DPYS: variants seen among roughly 807,000 people sequenced by gnomAD.
DPYS encodes dihydropyrimidine amidohydrolase.
Under a neutral mutation model 50.3 loss-of-function variants are expected in DPYS, and 39 were observed. The observed-to-expected ratio is 0.78, with a 90% confidence interval of 0.60 to 1.01. DPYS has a LOEUF of 1.01. DPYS is among the 50% of genes least tolerant of loss of function. DPYS has a pLI of 0.00. For synonymous variants in DPYS, 245 were observed against 250.7 expected, an observed-to-expected ratio of 0.98 and a Z score of 0.22; for missense variants, 659 against 680.9, an observed-to-expected ratio of 0.97 and a Z score of 0.36.
In DPYS at chr8:104,382,561, T is replaced by A. The variant is rs114210365; in HGVS notation, c.1444-1247A>T. ...CTGTTTTTTTTTTTTTTTTTTCTTC[T>A]CCTGACTTGACTTTCCAAGCCAGAC... On this transcript the variant is annotated intron_variant, in intron 8 of 9. Coordinates refer to ENST00000351513, the MANE Select transcript of DPYS (RefSeq NM_001385.3). Among the ~76,000 whole-genome samples the A allele has an allele frequency of 9.7e-3, 1,427 of 146,982 alleles. 40 individuals carry two copies. The highest frequency in any genetic ancestry group is 0.035 in the African/African-American group (1,353 of 39,190).
chr8:104,387,047 C>T (rs1054322412), intron 8 of DPYS, among the ~76,000 whole-genome samples: 4 of 152,142 alleles, frequency 2.6e-5, no homozygotes, highest in African/African-American at 9.7e-5. Context: ...ACAGAACTTC[C>T]AAATACCAAA....
intron 1 of DPYS, among the ~76,000 whole-genome samples, chr8:104,464,460 CT>C (rs1814280221): frequency 6.6e-6 from 1 of 152,338 alleles, no homozygotes; most frequent in African/African-American, 2.4e-5. Context: ...ATGAAAGCTA[CT>C]GCTCAGCTGT....
At chr8:104,454,088 G>T (rs143551652) in intron 1 of DPYS, among the ~76,000 whole-genome samples, 8 of 152,074 alleles carry the variant, frequency 5.3e-5, no homozygotes, top group African/African-American at 1.9e-4. Flanking sequence ...TCTTTTGGGG[G>T]TATCAAAAGT....
intron 1 of DPYS, among the ~76,000 whole-genome samples, chr8:104,459,407 CG>C (rs1272487886): frequency 1.3e-5 from 2 of 152,128 alleles, no homozygotes; most frequent in Admixed American, 6.5e-5. Flanking sequence ...GTCTGTTTAC[CG>C]CTGAGAACAA....
intron 8 of DPYS, among the ~76,000 whole-genome samples, 189 bp downstream of exon 8, chr8:104,392,595 C>T (rs752646503): frequency 7.2e-5 from 11 of 152,166 alleles, no homozygotes; most frequent in Non-Finnish European, 1.5e-4. Flanking sequence ...AGGGGAAATG[C>T]GTGCATCCAA....
chr8:104,396,824 C>CAAA (rs1811605617), intron 7 of DPYS, among the ~76,000 whole-genome samples: 1 of 64,260 alleles, frequency 1.6e-5, no homozygotes. Context: ...TTGCCTCATA[C>CAAA]CAAAAAAAAA....
At chr8:104,389,543 T>A (rs1056883373) in intron 8 of DPYS, among the ~76,000 whole-genome samples, 3 of 148,984 alleles carry the variant, frequency 2.0e-5, no homozygotes, top group South Asian at 2.1e-4. Flanking sequence ...CCTTTTATTT[T>A]TTTTTTTTTG....
At chr8:104,449,964 C>G (rs1813674893) in intron 2 of DPYS, among the ~76,000 whole-genome samples, 1 of 152,094 alleles carries the variant, frequency 6.6e-6, no homozygotes, top group African/African-American at 2.4e-5. Context: ...AAACGAATAA[C>G]CCCCCTGAAC....
intron 8 of DPYS, 46 bp from the exon 9 acceptor site, chr8:104,381,360 G>A (rs1339261579): frequency 6.4e-7 from 1 of 1,566,918 alleles, no homozygotes; most frequent in Non-Finnish European, 8.8e-7. Flanking sequence ...ATTTTCTTGA[G>A]TTCAAAGTTA....
At chr8:104,460,677 CT>C (rs1189211088) in intron 1 of DPYS, among the ~76,000 whole-genome samples, 1 of 152,176 alleles carries the variant, frequency 6.6e-6, no homozygotes, top group Non-Finnish European at 1.5e-5. Flanking sequence ...GTCTTGGAAT[CT>C]AAGTCAGTGA....
chr8:104,379,709 A>G lies in DPYS; in HGVS notation c.*149T>C. 1 of 430,844 alleles carries G rather than the reference A, an allele frequency of 2.3e-6. No homozygotes were observed. The highest frequency in any genetic ancestry group is 4.6e-6 in the Non-Finnish European group (1 of 217,048). The allele number at this position is 430,844 out of a possible 1,614,324, so 26.7% of individuals were successfully genotyped here. A position where few individuals can be genotyped will look rare whatever the true frequency, so the allele number is the denominator to read the frequency against. On this transcript the variant is annotated 3_prime_UTR_variant, in exon 10 of 10. Coordinates refer to ENST00000351513, the MANE Select transcript of DPYS (RefSeq NM_001385.3). ...GAGAAAGACAGCAATTGCTTCTGAA[A>G]GAAAATCAAAGAAGCCTATAGTGGT...
intron 7 of DPYS, among the ~76,000 whole-genome samples, chr8:104,403,417 TTGCCACCATCTTGGAAGCAGCC>T (rs540631578): frequency 0.17 from 26,271 of 151,484 alleles, 2,727 homozygotes; most frequent in East Asian, 0.36. Flanking sequence ...AACACGAGGC[TTGCCACCATCTTGGAAGCAGCC>T]TGCCACCATC....
chr8:104,411,514 G>C (rs1342025928), intron 7 of DPYS, among the ~76,000 whole-genome samples: 1 of 152,138 alleles, frequency 6.6e-6, no homozygotes, highest in Admixed American at 6.5e-5. Context: ...ATAGTGGAGG[G>C]CTCACGGGAA....
intron 7 of DPYS, chr8:104,419,141 T>A: frequency 1.2e-6 from 1 of 842,872 alleles, no homozygotes; most frequent in Non-Finnish European, 1.4e-6. Flanking sequence ...CTTAAATTCA[T>A]CTTTATCCAT....
intron 7 of DPYS, among the ~76,000 whole-genome samples, chr8:104,399,290 C>CAAAAAAAAA (rs11323938): frequency 6.7e-5 from 5 of 74,920 alleles, no homozygotes; most frequent in Non-Finnish European, 7.0e-5. Flanking sequence ...GACTCCATCT[C>CAAAAAAAAA]AAAAAAAAAA....
intron 8 of DPYS, among the ~76,000 whole-genome samples, chr8:104,387,975 G>C (rs564462207): frequency 9.7e-4 from 147 of 152,206 alleles, no homozygotes; most frequent in Non-Finnish European, 1.5e-3. Context: ...TGAAGAGTTG[G>C]GCACAGATGC....
intron 8 of DPYS, among the ~76,000 whole-genome samples, chr8:104,381,799 A>G (rs908603140): frequency 6.6e-6 from 1 of 151,382 alleles, no homozygotes; most frequent in Non-Finnish European, 1.5e-5. Flanking sequence ...TATGCAGCAG[A>G]ACCCTCTGCT....
chr8:104,413,207 T>C (rs1812248725), intron 7 of DPYS, among the ~76,000 whole-genome samples: 1 of 151,830 alleles, frequency 6.6e-6, no homozygotes, highest in African/African-American at 2.4e-5. Context: ...TATAAAGCAG[T>C]GAAAATAAAA....
Position 104,466,963 on chromosome 8 carries a change from A to C in DPYS, c.-43T>G. 3.1e-5 allele frequency: 28 copies of C among 891,430 alleles called. No homozygotes were observed. The highest frequency in any genetic ancestry group is 5.6e-5 in the East Asian group (1 of 17,720). 55.2% of individuals were successfully genotyped at this position (891,430 alleles called of 1,614,324 possible). A position where few individuals can be genotyped will look rare whatever the true frequency, so the allele number is the denominator to read the frequency against. ...GTCCTACTCGGCCCGGGCTGCGCGC[A>C]GGGGCTGGGTTGGGCGGGCCGGGCG... On this transcript the variant is annotated 5_prime_UTR_variant, in exon 1 of 10. Coordinates refer to ENST00000351513, the MANE Select transcript of DPYS (RefSeq NM_001385.3).
Sources: allele counts gnomAD v4.1 joint callset (sites outside exome capture counted in the v4.1 genomes callset), GRCh38; gene constraint gnomAD v4.1.1; transcripts MANE v1.5; gene names NCBI Gene and HGNC (gene_info 2026-07-23, HGNC 2026-07-21).